Variants in TCF7 observed in about 807,000 individuals in gnomAD.
TCF7 encodes T-cell-factor-7.
A neutral mutation model predicts 46.8 loss-of-function variants in TCF7; 19 were observed. That is an observed-to-expected ratio of 0.41 (90% CI 0.28 to 0.60). TCF7 has a LOEUF of 0.60. Among genes scored for constraint, TCF7 ranks in the 20% least tolerant of loss-of-function variants. The pLI, the probability that TCF7 is intolerant of heterozygous loss-of-function variation, is 0.35. For missense variants in TCF7, 547 were observed against 504.6 expected (o/e 1.08, Z -0.81); for synonymous variants, 245 against 213.4 (o/e 1.15, Z -1.29).
chr5:134,138,897 G>C, intron 4 of TCF7, 54 bp from the exon 5 acceptor site: 1 of 1,606,756 alleles, frequency 6.2e-7, no homozygotes, highest in South Asian at 1.1e-5. Flanking sequence ...AGTAACTGCT[G>C]ATATGGCCTG....
At chr5:134,112,451 A>G (rs1755340951), upstream of TCF7, among the ~76,000 whole-genome samples, 1 of 152,132 alleles carries the variant, frequency 6.6e-6, no homozygotes, top group Non-Finnish European at 1.5e-5. Context: ...CCTGTGACTC[A>G]GCCCTTCTCT....
At position 134,146,429 on chromosome 5, in the gene TCF7, A is replaced by C; in HGVS notation, c.*126A>C. The C allele has an allele frequency of 8.3e-7, 1 of 1,198,902 alleles. No homozygotes were observed. The highest frequency in any genetic ancestry group is 1.2e-6 in the Non-Finnish European group (1 of 805,348). The allele number at this position is 1,198,902 out of a possible 1,614,324, so 74.3% of individuals were successfully genotyped here. On this transcript the variant is annotated 3_prime_UTR_variant, in exon 10 of 10. Transcript: ENST00000342854. The stretch of plus-strand genomic sequence containing the variant: ...ATCCCCAGGTCTCTCCACTGCTCTC[A>C]GCCTCCCAACCCCAGGGCCCCCACA...
chr5:134,112,771 G>A (rs1164519432), upstream of TCF7, among the ~76,000 whole-genome samples: 9 of 152,194 alleles, frequency 5.9e-5, no homozygotes, highest in Admixed American at 5.9e-4. Flanking sequence ...AAGCTGGAAA[G>A]TTTTAACCTT....
intron 3 of TCF7, among the ~76,000 whole-genome samples, chr5:134,135,087 G>C (rs1758665983): frequency 6.6e-6 from 1 of 152,190 alleles, no homozygotes; most frequent in African/African-American, 2.4e-5. Context: ...CTGAGTAGCT[G>C]AGGCTACAGG....
chr5:134,138,965 C>A lies in TCF7; in HGVS notation c.562C>A (p.Gln188Lys). The A allele has an allele frequency of 1.2e-6, 2 of 1,613,944 alleles. No homozygotes were observed. The highest frequency in any genetic ancestry group is 1.7e-6 in the Non-Finnish European group (2 of 1,180,000). ...CTCCTCTGCAGTTCACAGGCCTCTG[C>A]AGACCCCTGACCTCTCTGGCTTCTA... ...ISQKQVHRPL[Q>K]TPDLSGFYSL... The change falls in exon 5 of 10, where the codon CAG (glutamine) becomes AAG (lysine). Residue 188 changes from glutamine to lysine, a missense_variant. Physicochemically the swap from Gln to Lys is moderately conservative, Grantham distance 53 (BLOSUM62 1). Transcript: ENST00000342854.
rs561560115 is a variant in TCF7 at position 134,117,226 on chromosome 5, T to TG, written c.441+1195dup. ...TCCGACTTTCTGCTCTGGGGTGGCT[T>TG]GGTATATGAGGTGGTTCACTTCCTT... is the stretch of plus-strand genomic sequence containing the variant. On this transcript the variant is annotated intron_variant, in intron 3 of 9. Coordinates refer to ENST00000342854, the MANE Select transcript of TCF7 (RefSeq NM_003202.5). Among the ~76,000 whole-genome samples, 800 of 152,326 alleles carry TG rather than the reference T, an allele frequency of 5.3e-3. 4 individuals are homozygous for TG. The highest frequency in any genetic ancestry group is 0.018 in the African/African-American group (769 of 41,576).
At position 134,138,885 on chromosome 5, in the gene TCF7, G is replaced by C; in HGVS notation, c.548-66G>C. The C allele has an allele frequency of 1.9e-6, 3 of 1,599,376 alleles. No homozygotes were observed. In the South Asian group the frequency reaches 3.3e-5, roughly 18 times the overall value. ...AGGCCCCTGTAGGAGGTTCTAGGAT[G>C]CAGTAACTGCTGATATGGCCTGCCA... On this transcript the variant is annotated intron_variant, in intron 4 of 9. Coordinates refer to ENST00000342854, the MANE Select transcript of TCF7 (RefSeq NM_003202.5).
chr5:134,143,552 G>GCCT, intron 8 of TCF7, 40 bp from the exon 9 acceptor site: 1 of 1,613,848 alleles, frequency 6.2e-7, no homozygotes, highest in Non-Finnish European at 8.5e-7. Context: ...CCCAATGTCT[G>GCCT]CCTCCCAGAT....
intron 3 of TCF7, among the ~76,000 whole-genome samples, chr5:134,122,510 C>T (rs1375611864): frequency 6.6e-6 from 1 of 152,182 alleles, no homozygotes; most frequent in Admixed American, 6.5e-5. Flanking sequence ...GGCCCCCTTT[C>T]TGGGTCTCTG....
chr5:134,131,372 C>G (rs1180817245), intron 3 of TCF7, among the ~76,000 whole-genome samples: 2 of 152,246 alleles, frequency 1.3e-5, no homozygotes, highest in Non-Finnish European at 2.9e-5. Context: ...CTCAGTGTCA[C>G]CTCTGTGTGC....
chr5:134,110,514 TAC>T (rs1226122647), upstream of TCF7, among the ~76,000 whole-genome samples: 1 of 152,190 alleles, frequency 6.6e-6, no homozygotes, highest in Non-Finnish European at 1.5e-5. Context: ...ACAGTGAAAC[TAC>T]ACAGAGTTTC....
chr5:134,144,501 G>T lies in TCF7; in HGVS notation c.1075+861G>T, dbSNP rs755095817. 3 of 409,318 alleles carry T rather than the reference G, an allele frequency of 7.3e-6. No homozygotes were observed. In the East Asian group the frequency reaches 1.4e-4, roughly 19 times the overall value. The allele number at this position is 409,318 out of a possible 1,614,324, so 25.4% of individuals were successfully genotyped here. ...TGGGCCCCTCTGCAGCCTCCATGCT[G>T]CAAGGGCCCCACAAGCCACAGAGAT... On this transcript the variant is annotated intron_variant, in intron 9 of 9. Coordinates refer to ENST00000342854, the MANE Select transcript of TCF7 (RefSeq NM_003202.5).
intron 3 of TCF7, among the ~76,000 whole-genome samples, chr5:134,118,821 G>A (rs1756189165): frequency 6.6e-6 from 1 of 152,044 alleles, no homozygotes; most frequent in African/African-American, 2.4e-5. Flanking sequence ...TCACTCTGTT[G>A]CCCAGGCTGG....
rs1760893352 is a variant in TCF7, at chr5:134,147,950, T to G, written c.*1647T>G. 8.6e-6 allele frequency: 1 copy of G among 115,660 alleles called. No homozygotes were observed. Among genetic ancestry groups the G allele is most frequent in the South Asian group, 2.9e-4 (1 of 3,466 alleles). The allele number at this position is 115,660 out of a possible 1,614,324, so 7.2% of individuals were successfully genotyped here. On this transcript the variant is annotated 3_prime_UTR_variant, in exon 10 of 10. Coordinates refer to ENST00000342854, the MANE Select transcript of TCF7 (RefSeq NM_003202.5). ...GAGATGGCGCTATTGCACTCCAGTCTGGGTAACAGGGAGACTGCATCTCAA... is the reference window on the plus strand; with the variant it reads ...GAGATGGCGCTATTGCACTCCAGTCGGGGTAACAGGGAGACTGCATCTCAA...
At chr5:134,113,762 G>A (rs543522110), upstream of TCF7, among the ~76,000 whole-genome samples, 2 of 152,358 alleles carry the variant, frequency 1.3e-5, no homozygotes, top group African/African-American at 2.4e-5. Context: ...CCCGCGCTCC[G>A]CAAATCTAGA....
intron 4 of TCF7, chr5:134,138,742 C>T: frequency 2.9e-6 from 2 of 695,622 alleles, no homozygotes; most frequent in Non-Finnish European, 4.6e-6. Flanking sequence ...TTAGGCAAGT[C>T]ACCCCAGCCC....
chr5:134,111,928 C>T (rs1000856881), upstream of TCF7, among the ~76,000 whole-genome samples: 5 of 152,144 alleles, frequency 3.3e-5, no homozygotes, highest in Admixed American at 6.5e-5. Context: ...AATGGGGATA[C>T]GAGTCCCTAT....
At chr5:134,110,686 G>A (rs539187180), upstream of TCF7, among the ~76,000 whole-genome samples, 40 of 152,314 alleles carry the variant, frequency 2.6e-4, no homozygotes, top group African/African-American at 8.2e-4. Context: ...GATGCCAGGC[G>A]GGCTGGTGAG....
In TCF7 at chr5:134,115,331, G is replaced by C; in HGVS notation, c.260G>C (p.Arg87Pro). 1 of 1,590,418 alleles carries C rather than the reference G, an allele frequency of 6.3e-7. No individual in the cohort carries two copies. ...CGGTTCTCCCTCCAGGCTCTCGGGC[G>C]GGAACACGCTGCGCAGAGACTCTTC... ...GARGEAEALG[R>P]EHAAQRLFPD... Residue 87 changes from arginine (R) to proline (P), a missense_variant, in exon 2 of 10, where the codon CGG (arginine) becomes CCG (proline). Coordinates refer to ENST00000342854, the MANE Select transcript of TCF7 (RefSeq NM_003202.5).
Sources: allele counts gnomAD v4.1 joint callset (sites outside exome capture counted in the v4.1 genomes callset), GRCh38; gene constraint gnomAD v4.1.1; transcripts MANE v1.5; gene names NCBI Gene and HGNC (gene_info 2026-07-23, HGNC 2026-07-21).